PHYH: variants seen among roughly 807,000 people sequenced by gnomAD.
The protein encoded by PHYH is phytanoyl-CoA dioxygenase, peroxisomal.
A neutral mutation model predicts 38.5 loss-of-function variants in PHYH; 32 were observed. That is an observed-to-expected ratio of 0.83 (90% CI 0.63 to 1.12). The LOEUF (loss-of-function observed/expected upper bound fraction) is 1.12, where lower values mean the gene tolerates loss of function less well. Ranked by LOEUF, PHYH falls within the 50% of genes most tolerant of loss-of-function variation. The probability of loss-of-function intolerance (pLI) is 0.00; values close to 1 mark genes in which losing one functional copy is unlikely to be tolerated. For missense variants in PHYH, 426 were observed against 434.8 expected (o/e 0.98, Z 0.18); for synonymous variants, 166 against 157.9 (o/e 1.05, Z -0.38).
intron 6 of PHYH, 60 bp from the exon 7 acceptor site, chr10:13,283,899 C>A: frequency 2.9e-6 from 4 of 1,379,856 alleles, no homozygotes; most frequent in Non-Finnish European, 4.1e-6. Context: ...AAAACATTGT[C>A]AATGGTTCAT....
chr10:13,298,780 CTAATAA>C (rs148321965), intron 1 of PHYH, among the ~76,000 whole-genome samples: 2 of 140,962 alleles, frequency 1.4e-5, no homozygotes, highest in East Asian at 2.3e-4. Flanking sequence ...ACTACTACTA[CTAATAA>C]TAATAATACA....
At chr10:13,299,825 C>A in intron 1 of PHYH, 143 bp downstream of exon 1, 1 of 1,322,412 alleles carries the variant, frequency 7.6e-7, no homozygotes, top group South Asian at 2.0e-5. Flanking sequence ...AGACGCGACC[C>A]AGGCGGGGAC....
intron 8 of PHYH, 52 bp downstream of exon 8, chr10:13,280,924 T>A: frequency 6.4e-7 from 1 of 1,553,188 alleles, no homozygotes; most frequent in Non-Finnish European, 8.9e-7. Context: ...ATGAAGCATC[T>A]GAAGAAAAGA....
chr10:13,281,048 T>C lies in PHYH; in HGVS notation c.891A>G (p.Gln297=), dbSNP rs1313945187. The C allele has an allele frequency of 2.5e-6, 4 of 1,614,066 alleles. No homozygotes were observed. Among genetic ancestry groups the C allele is most frequent in the Non-Finnish European group, 3.4e-6 (4 of 1,179,986 alleles). The part of the protein sequence containing the change: ...CHYIDVKGTS[Q]ENIEKEVVGI... ...CTACAACTTCCTTCTCGATGTTTTC[T>C]TGACTGGTGCCCTTCACGTCAATGT... The change falls in exon 8 of 9, where the codon CAA becomes CAG. Residue 297 remains glutamine (Q), a synonymous_variant. Coordinates refer to ENST00000263038, the MANE Select transcript of PHYH (RefSeq NM_006214.4).
At position 13,283,616 on chromosome 10, in the gene PHYH, A is replaced by C. The variant is rs1337465427; in HGVS notation, c.828+74T>G. 28 of 1,388,412 alleles carry C rather than the reference A, an allele frequency of 2.0e-5. No individual in the cohort carries two copies. The Admixed American group carries it at 4.7e-4, about 23-fold the overall frequency. 86.0% of individuals were successfully genotyped at this position (1,388,412 alleles called of 1,614,324 possible). A position where few individuals can be genotyped will look rare whatever the true frequency, so the allele number is the denominator to read the frequency against. On this transcript the variant is annotated intron_variant, in intron 7 of 8. Transcript: ENST00000263038. The stretch of plus-strand genomic sequence containing the variant: ...ATTAAAATTTTATTCAATTAATTTG[A>C]ATTCAATGAATTGAATACAATTTTT...
intron 4 of PHYH, among the ~76,000 whole-genome samples, chr10:13,292,552 G>A (rs1002635181): frequency 1.3e-5 from 2 of 152,196 alleles, no homozygotes; most frequent in Admixed American, 1.3e-4. Flanking sequence ...GTGACAGGGA[G>A]AGCTGGTTTA....
At chr10:13,292,929 G>C (rs1331683659) in intron 4 of PHYH, among the ~76,000 whole-genome samples, 1 of 24,734 alleles carries the variant, frequency 4.0e-5, no homozygotes, top group Non-Finnish European at 9.5e-5. Flanking sequence ...GTGAGACTCT[G>C]TCTCAAAAAA....
At position 13,288,407 on chromosome 10, in the gene PHYH, C is replaced by T; in HGVS notation, c.631G>A (p.Gly211Ser). Residue 211 changes from glycine to serine, a missense_variant, in exon 6 of 9, where the codon GGC (glycine) becomes AGC (serine). By Grantham distance (56) the Gly-to-Ser change is moderately conservative (BLOSUM62 0). Coordinates refer to ENST00000263038, the MANE Select transcript of PHYH (RefSeq NM_006214.4). ...RNNGCLVVLP[G>S]THKGSLKPHD... ...GGCTTCAGGGAGCCCTTGTGTGTGC[C>T]TGGGAGCACAACCAGACAGCCGTTG... The T allele has an allele frequency of 6.2e-7, 1 of 1,614,160 alleles. No homozygotes were observed.
intron 6 of PHYH, among the ~76,000 whole-genome samples, chr10:13,287,314 G>A (rs1413492502): frequency 1.3e-5 from 2 of 151,898 alleles, no homozygotes; most frequent in Admixed American, 6.6e-5. Context: ...ACTCTAGCCT[G>A]GTGACAGAGT....
intron 1 of PHYH, among the ~76,000 whole-genome samples, chr10:13,299,009 G>A (rs1434550789): frequency 6.7e-6 from 1 of 149,216 alleles, no homozygotes; most frequent in African/African-American, 2.5e-5. Flanking sequence ...GCATCGTGGC[G>A]CAACCCTGTA....
intron 1 of PHYH, chr10:13,299,396 G>T: frequency 2.0e-6 from 2 of 994,816 alleles, no homozygotes; most frequent in Non-Finnish European, 2.4e-6. Flanking sequence ...CAGGCAAGGC[G>T]TGTGCCGCCG....
At position 13,284,879 on chromosome 10, in the gene PHYH, T is replaced by G. The variant is rs72781353; in HGVS notation, c.679-1040A>C. 2.7e-3 allele frequency among the ~76,000 whole-genome samples: 416 copies of G among 152,256 alleles called. 3 individuals carry two copies. Among genetic ancestry groups the G allele is most frequent in the Non-Finnish European group, 4.6e-3 (315 of 68,002 alleles). On this transcript the variant is annotated intron_variant, in intron 6 of 8. Coordinates refer to ENST00000263038, the MANE Select transcript of PHYH (RefSeq NM_006214.4). ...TGACGACATCCCTCTTAGACAGTGC[T>G]GAGACTCTGACCCAGAGCCCTTCTC...
At chr10:13,287,104 GC>G (rs942810319) in intron 6 of PHYH, among the ~76,000 whole-genome samples, 9 of 152,178 alleles carry the variant, frequency 5.9e-5, no homozygotes, top group Non-Finnish European at 1.2e-4. Flanking sequence ...ACTTTGGGAG[GC>G]AGAGGTGGGC....
At chr10:13,291,117 A>G (rs1835700290) in intron 5 of PHYH, among the ~76,000 whole-genome samples, 1 of 151,650 alleles carries the variant, frequency 6.6e-6, no homozygotes, top group Admixed American at 6.6e-5. Context: ...AAAAAAAAAA[A>G]AAAAAAAAAA....
At chr10:13,289,308 G>A (rs1241402111) in intron 5 of PHYH, among the ~76,000 whole-genome samples, 2 of 152,110 alleles carry the variant, frequency 1.3e-5, no homozygotes, top group Non-Finnish European at 2.9e-5. Flanking sequence ...CCATTCTCCT[G>A]CCTCAGCCTC....
rs1410465201 is a variant in PHYH at position 13,278,368 on chromosome 10, C to G, written c.964-14G>C. The G allele has an allele frequency of 1.9e-6, 3 of 1,599,730 alleles. No homozygotes were observed. Among genetic ancestry groups the G allele is most frequent in the East Asian group, 2.2e-5 (1 of 44,784 alleles). ...CATCCAAATATCCTGGAAATAATAT[C>G]AAACAGAGTGGGTTTATGGAACACT... On this transcript the variant is annotated splice_polypyrimidine_tract_variant and intron_variant, in intron 8 of 8. Transcript: ENST00000263038.
At chr10:13,286,443 CG>C (rs1233864864) in intron 6 of PHYH, among the ~76,000 whole-genome samples, 1 of 152,082 alleles carries the variant, frequency 6.6e-6, no homozygotes, top group Non-Finnish European at 1.5e-5. Flanking sequence ...TGGCCAGGCG[CG>C]GTGAGCCCAG....
chr10:13,281,587 A>T (rs1245776623), intron 7 of PHYH, among the ~76,000 whole-genome samples: 1 of 152,164 alleles, frequency 6.6e-6, no homozygotes, highest in East Asian at 1.9e-4. Flanking sequence ...TAATGCAGAC[A>T]CCTTCTCTCA....
At position 13,283,758 on chromosome 10, in the gene PHYH, C is replaced by A. The variant is rs139329047; in HGVS notation, c.760G>T (p.Asp254Tyr). The A allele has an allele frequency of 8.1e-6, 13 of 1,613,902 alleles. No homozygotes were observed. The highest frequency in any genetic ancestry group is 1.1e-5 in the Non-Finnish European group (13 of 1,179,944). ...AGCAAAGGATGGAAGAAAACAGTGT[C>A]GCCCTTCTCCATCACCAGGTGCACC... Reference protein sequence around the residue: ...ARVHLVMEKGDTVFFHPLLIH... With the variant: ...ARVHLVMEKGYTVFFHPLLIH... Residue 254 changes from aspartate to tyrosine, a missense_variant, in exon 7 of 9, where the codon GAC becomes TAC. Asp to Tyr is a radical substitution (Grantham distance 160). Transcript: ENST00000263038.
Sources: gnomAD v4.1 joint callset for allele counts (sites outside exome capture counted in the v4.1 genomes callset) on GRCh38, gnomAD v4.1.1 for gene constraint, MANE v1.5 for transcripts, NCBI Gene and HGNC (gene_info 2026-07-23, HGNC 2026-07-21) for gene names.